Variants in RTKN2 observed in about 807,000 individuals in gnomAD.
RTKN2 encodes the protein rhotekin 2.
In RTKN2, 69 loss-of-function variants were observed where a neutral mutation model predicts 71.5. That is an observed-to-expected ratio of 0.96 (90% confidence interval 0.79 to 1.18). RTKN2 has a LOEUF of 1.18. RTKN2 is among the 50% of genes most tolerant of loss of function. RTKN2 has a pLI of 0.00. For missense variants in RTKN2, 724 were observed against 719.7 expected (o/e 1.01, Z -0.07); for synonymous variants, 236 against 236.5 (o/e 1.00, Z 0.02).
At chr10:62,242,713 C>T (rs752528753) in intron 3 of RTKN2, among the ~76,000 whole-genome samples, 1 of 151,948 alleles carries the variant, frequency 6.6e-6, no homozygotes, top group Non-Finnish European at 1.5e-5. Flanking sequence ...CCCTACCACC[C>T]CTGCCCCCGG....
At chr10:62,192,186 A>G (rs992793373), downstream of RTKN2, among the ~76,000 whole-genome samples, 2 of 152,090 alleles carry the variant, frequency 1.3e-5, no homozygotes, top group African/African-American at 4.8e-5. Flanking sequence ...ACTACCATGC[A>G]GTATATGACC....
intron 6 of RTKN2, among the ~76,000 whole-genome samples, chr10:62,223,660 C>CA (rs1381485091): frequency 2.6e-5 from 4 of 151,938 alleles, no homozygotes; most frequent in African/African-American, 7.2e-5. Context: ...GTAAAACAAA[C>CA]AAAAAAACAG....
At chr10:62,245,815 TTAAACTC>T (rs757044868) in intron 3 of RTKN2, among the ~76,000 whole-genome samples, 177 bp downstream of exon 3, 1 of 103,004 alleles carries the variant, frequency 9.7e-6, no homozygotes, top group Non-Finnish European at 2.3e-5. Flanking sequence ...AACAGTTTTC[TTAAACTC>T]TAAAGTTCTA....
rs868184614 is a variant in RTKN2, at chr10:62,197,743, G to A, written c.*165C>T. 42 of 1,415,778 alleles carry A rather than the reference G, an allele frequency of 3.0e-5. 1 individual carries two copies. The highest frequency in any genetic ancestry group is 5.2e-4 in the Middle Eastern group (2 of 3,832). The allele number at this position is 1,415,778 out of a possible 1,614,324, so 87.7% of individuals were successfully genotyped here. A position where few individuals can be genotyped will look rare whatever the true frequency, so the allele number is the denominator to read the frequency against. On this transcript the variant is annotated 3_prime_UTR_variant, in exon 12 of 12. Transcript: ENST00000373789. ...CATTCTGCAAATCAGGAGTAAAAGA[G>A]AAATCCACTTCTTCATTATAAAATG...
At position 62,194,420 on chromosome 10, in the gene RTKN2, A is replaced by G; in HGVS notation, c.*3488T>C. The G allele has an allele frequency of 2.0e-6, 2 of 978,818 alleles. No individual in the cohort carries two copies. Among genetic ancestry groups the G allele is most frequent in the South Asian group, 4.7e-5 (1 of 21,160 alleles). 60.6% of individuals were successfully genotyped at this position (978,818 alleles called of 1,614,324 possible). The stretch of plus-strand genomic sequence containing the variant: ...CTTTACATTATAATTTAAGACTAAC[A>G]GTGAAGATGGCTACTAGAATATAAA... On this transcript the variant is annotated 3_prime_UTR_variant, in exon 12 of 12. Transcript: ENST00000373789.
Position 62,193,604 on chromosome 10 carries a change from A to T in RTKN2, c.*4304T>A. 2 of 985,148 alleles carry T rather than the reference A, an allele frequency of 2.0e-6. No individual in the cohort carries two copies. The highest frequency in any genetic ancestry group is 2.4e-6 in the Non-Finnish European group (2 of 829,694). The allele number at this position is 985,148 out of a possible 1,614,324, so 61.0% of individuals were successfully genotyped here. ...GCTGAAATAATCCAACTGAGCCAGG[A>T]TTGCTCATTTCTCTCCCCCACTCTG... On this transcript the variant is annotated 3_prime_UTR_variant, in exon 12 of 12. Transcript: ENST00000373789.
intron 5 of RTKN2, among the ~76,000 whole-genome samples, chr10:62,237,886 A>G (rs1842290788): frequency 6.6e-6 from 1 of 151,724 alleles, no homozygotes; most frequent in Non-Finnish European, 1.5e-5. Flanking sequence ...ATAAATACGC[A>G]AAATTCTGCA....
At chr10:62,224,077 G>A (rs1456926044) in intron 6 of RTKN2, among the ~76,000 whole-genome samples, 1 of 152,096 alleles carries the variant, frequency 6.6e-6, no homozygotes, top group Non-Finnish European at 1.5e-5. Flanking sequence ...ATTATGCTAA[G>A]TGAAATAAGC....
At chr10:62,253,129 A>T (rs1842612679) in intron 2 of RTKN2, among the ~76,000 whole-genome samples, 1 of 152,156 alleles carries the variant, frequency 6.6e-6, no homozygotes, top group South Asian at 2.1e-4. Flanking sequence ...TTCAAAGGTG[A>T]GTCAGAAAGG....
chr10:62,268,497 G>T (rs1842906695), intron 1 of RTKN2, 54 bp downstream of exon 1: 3 of 1,501,614 alleles, frequency 2.0e-6, no homozygotes, highest in Non-Finnish European at 2.7e-6. Flanking sequence ...AATGCGCGAG[G>T]AACAGAACCC....
chr10:62,212,111 A>T lies in RTKN2; in HGVS notation c.1020+5007T>A, dbSNP rs7475933. 4.2e-3 allele frequency among the ~76,000 whole-genome samples: 532 copies of T among 127,706 alleles called. 3 individuals are homozygous for T. Among genetic ancestry groups the T allele is most frequent in the Non-Finnish European group, 5.3e-3 (343 of 64,116 alleles). The allele number at this position is 127,706 out of a possible 152,430, so 83.8% of individuals were successfully genotyped here. ...TGAAACTCCATCTCTACTTAAAAAA[A>T]AAATATATATATATGGGGTAATTAA... On this transcript the variant is annotated intron_variant, in intron 9 of 11. Coordinates refer to ENST00000373789, the MANE Select transcript of RTKN2 (RefSeq NM_145307.4).
chr10:62,215,073 C>G (rs1048114227), intron 9 of RTKN2: 37 of 1,520,334 alleles, frequency 2.4e-5, no homozygotes, highest in Non-Finnish European at 3.3e-5. Flanking sequence ...TCGAGACTGT[C>G]TTCAAATAAA....
At chr10:62,216,179 G>C (rs574621738) in intron 9 of RTKN2, among the ~76,000 whole-genome samples, 1 of 151,876 alleles carries the variant, frequency 6.6e-6, no homozygotes, top group South Asian at 2.1e-4. Flanking sequence ...CGCGTTTTCA[G>C]GAATACAACT....
chr10:62,261,308 T>C (rs1842769792), intron 2 of RTKN2, among the ~76,000 whole-genome samples: 1 of 152,308 alleles, frequency 6.6e-6, no homozygotes. Context: ...AATATTATCA[T>C]GCCCACTGTA....
Position 62,194,462 on chromosome 10 carries a change from T to C in RTKN2, c.*3446A>G, listed in dbSNP as rs367949808. 261 of 977,700 alleles carry C rather than the reference T, an allele frequency of 2.7e-4. No homozygotes were observed. The South Asian group carries it at 0.011, about 42-fold the overall frequency. The allele number at this position is 977,700 out of a possible 1,614,324, so 60.6% of individuals were successfully genotyped here. On this transcript the variant is annotated 3_prime_UTR_variant, in exon 12 of 12. Transcript: ENST00000373789. The stretch of plus-strand genomic sequence containing the variant: ...GAATATAAATGGTCATCAGTTAAAG[T>C]TTAATTACTATTCAATAATTCACTC...
rs1841347275 is a variant in RTKN2 at position 62,197,156 on chromosome 10, TC to T, written c.*751del. ...CTACTCACTTCCCTAAATTCCAAAGTCACAATGGAAATTAGCACCACACACA... is the reference window on the plus strand; with the variant it reads ...CTACTCACTTCCCTAAATTCCAAAGTACAATGGAAATTAGCACCACACACA... On this transcript the variant is annotated 3_prime_UTR_variant, in exon 12 of 12. Transcript: ENST00000373789. 1.0e-6 allele frequency: 1 copy of T among 985,394 alleles called. No individual in the cohort carries two copies. The highest frequency in any genetic ancestry group is 1.2e-6 in the Non-Finnish European group (1 of 829,848). The allele number at this position is 985,394 out of a possible 1,614,324, so 61.0% of individuals were successfully genotyped here.
intron 3 of RTKN2, 29 bp from the exon 4 acceptor site, chr10:62,241,224 G>C (rs1842367741): frequency 2.1e-6 from 3 of 1,447,308 alleles, no homozygotes; most frequent in Non-Finnish European, 2.9e-6. Context: ...GAAATGACAA[G>C]TAATAATTTT....
chr10:62,261,868 T>C (rs942455519), intron 2 of RTKN2, among the ~76,000 whole-genome samples: 1 of 152,168 alleles, frequency 6.6e-6, no homozygotes, highest in Admixed American at 6.6e-5. Flanking sequence ...ACTCTTCCCT[T>C]GTGTCAGAGC....
At chr10:62,187,393 T>C (rs1391067032) in intron 8 of RTKN2, among the ~76,000 whole-genome samples, 3 of 152,198 alleles carry the variant, frequency 2.0e-5, no homozygotes, top group Admixed American at 6.5e-5. Context: ...GAGGTTTGCC[T>C]GAAGCCCCTA....
Sources: allele counts gnomAD v4.1 joint callset (sites outside exome capture counted in the v4.1 genomes callset), GRCh38; gene constraint gnomAD v4.1.1; transcripts MANE v1.5; gene names NCBI Gene and HGNC (gene_info 2026-07-23, HGNC 2026-07-21).